MASTL: variants seen among roughly 807,000 people sequenced by gnomAD.
MASTL encodes the protein serine/threonine-protein kinase greatwall.
In MASTL, 54 loss-of-function variants were observed where a neutral mutation model predicts 82.5. The observed-to-expected ratio is 0.65, with a 90% CI of 0.53 to 0.82. The LOEUF (loss-of-function observed/expected upper bound fraction) is 0.82, where lower values mean the gene tolerates loss of function less well. MASTL is among the 40% of genes least tolerant of loss of function. MASTL has a pLI of 0.00. For missense variants in MASTL, 950 were observed against 1,047.8 expected, an observed-to-expected ratio of 0.91 and a Z score of 1.29; for synonymous variants, 323 against 368.9, an observed-to-expected ratio of 0.88 and a Z score of 1.43.
At chr10:27,155,093 G>A (rs1266325202), upstream of MASTL, 2 of 316,752 alleles carry the variant, frequency 6.3e-6, no homozygotes, top group East Asian at 1.5e-4. Flanking sequence ...TGGGAAGCCA[G>A]GAGAAATCTC....
At chr10:27,158,799 C>T (rs1204013740) in intron 2 of MASTL, 113 bp downstream of exon 2, 2 of 1,190,196 alleles carry the variant, frequency 1.7e-6, no homozygotes, top group Non-Finnish European at 2.5e-6. Context: ...TCTGGCTGCA[C>T]TCACTGCCTT....
chr10:27,177,944 G>A (rs58546590), intron 9 of MASTL: 211 of 208,088 alleles, frequency 1.0e-3, no homozygotes, highest in African/African-American at 4.5e-3. Context: ...AAAATGAACC[G>A]TCTTCTGTTT....
intron 9 of MASTL, 62 bp from the exon 10 acceptor site, chr10:27,180,891 T>C: frequency 9.1e-7 from 1 of 1,098,106 alleles, no homozygotes; most frequent in Non-Finnish European, 1.4e-6. Flanking sequence ...AATTAATATT[T>C]CTGTTCATCA....
intron 8 of MASTL, among the ~76,000 whole-genome samples, chr10:27,172,491 CTAAAAATA>C (rs2057979666): frequency 6.6e-6 from 1 of 151,942 alleles, no homozygotes; most frequent in Non-Finnish European, 1.5e-5. Flanking sequence ...CCCGTCTCTA[CTAAAAATA>C]CAAAATTAGC....
In MASTL at chr10:27,187,109, G is replaced by A. The variant is rs1051064697; in HGVS notation, c.*573G>A. On this transcript the variant is annotated 3_prime_UTR_variant, in exon 12 of 12. Transcript: ENST00000375940. Reference sequence around the variant, plus strand: ...GAGGTCAGGAGTTCAAGACCATCCTGGCCAACATAATGAAACCCCATCTCT... The same window carrying A: ...GAGGTCAGGAGTTCAAGACCATCCTAGCCAACATAATGAAACCCCATCTCT... Among the ~76,000 whole-genome samples the A allele has an allele frequency of 1.4e-4, 21 of 152,032 alleles. No homozygotes were observed. The highest frequency in any genetic ancestry group is 2.9e-5 in the Non-Finnish European group (2 of 68,000).
Position 27,187,087 on chromosome 10 carries a change from G to A in MASTL, c.*551G>A, listed in dbSNP as rs2058808735. 6.6e-6 allele frequency among the ~76,000 whole-genome samples: 1 copy of A among 152,006 alleles called. No homozygotes were observed. The highest frequency in any genetic ancestry group is 1.5e-5 in the Non-Finnish European group (1 of 67,992). ...GAGGCCGAGGCAGGCTGATCTTGAG[G>A]TCAGGAGTTCAAGACCATCCTGGCC... is the stretch of plus-strand genomic sequence containing the variant. On this transcript the variant is annotated 3_prime_UTR_variant, in exon 12 of 12. Transcript: ENST00000375940.
chr10:27,160,597 A>G (rs959035758), intron 3 of MASTL, among the ~76,000 whole-genome samples: 1 of 151,892 alleles, frequency 6.6e-6, no homozygotes, highest in African/African-American at 2.4e-5. Context: ...CTAAAAATAC[A>G]AAAATTAGCC....
intron 10 of MASTL, 45 bp from the exon 11 acceptor site, chr10:27,181,435 T>C: frequency 7.4e-7 from 1 of 1,345,382 alleles, no homozygotes; most frequent in South Asian, 1.2e-5. Flanking sequence ...ATACTATTAT[T>C]TTGAGCAGTA....
intron 4 of MASTL, among the ~76,000 whole-genome samples, chr10:27,162,987 G>A (rs769828933): frequency 5.3e-5 from 8 of 151,932 alleles, no homozygotes; most frequent in Non-Finnish European, 1.2e-4. Context: ...CGTGATCTCG[G>A]CTCACTACAA....
At chr10:27,155,640 G>C in intron 1 of MASTL, 28 bp downstream of exon 1, 1 of 1,613,306 alleles carries the variant, frequency 6.2e-7, no homozygotes, top group Non-Finnish European at 8.5e-7. Context: ...AGCAAGGAAG[G>C]GGTTAGGCCC....
Position 27,170,117 on chromosome 10 carries a change from A to G in MASTL, c.1158A>G (p.Val386=). 5 of 1,614,178 alleles carry G rather than the reference A, an allele frequency of 3.1e-6. No homozygotes were observed. The highest frequency in any genetic ancestry group is 4.2e-6 in the Non-Finnish European group (5 of 1,180,018). The part of the protein sequence containing the change: ...SALPTTGRSC[V]NLAKKCFSGE... ...TTCCCACCACTGGACGCTCTTGTGT[A>G]AACCTTGCTAAAAAATGCTTCTCTG... The change falls in exon 8 of 12, where the codon GTA becomes GTG. Residue 386 remains valine (V), a synonymous_variant. Coordinates refer to ENST00000375940, the MANE Select transcript of MASTL (RefSeq NM_001172303.3).
At position 27,163,791 on chromosome 10, in the gene MASTL, C is replaced by T. The variant is rs575156235; in HGVS notation, c.554-1273C>T. 4.6e-5 allele frequency among the ~76,000 whole-genome samples: 7 copies of T among 152,044 alleles called. No individual in the cohort carries two copies. The South Asian group carries it at 1.2e-3, about 27-fold the overall frequency. On this transcript the variant is annotated intron_variant, in intron 4 of 11. Coordinates refer to ENST00000375940, the MANE Select transcript of MASTL (RefSeq NM_001172303.3). ...GACTACAGGCACCCACCACCACGCC[C>T]GGCTAATTTTTTGTATTTTTAGTAG... is the stretch of plus-strand genomic sequence containing the variant.
chr10:27,173,970 C>A (rs954903181), intron 9 of MASTL, among the ~76,000 whole-genome samples: 2 of 152,150 alleles, frequency 1.3e-5, no homozygotes, highest in African/African-American at 4.8e-5. Context: ...CTTCAGAAGC[C>A]TATTCCTGTT....
At chr10:27,158,871 GCA>G (rs1330439955) in intron 2 of MASTL, among the ~76,000 whole-genome samples, 185 bp downstream of exon 2, 1 of 152,198 alleles carries the variant, frequency 6.6e-6, no homozygotes, top group Non-Finnish European at 1.5e-5. Flanking sequence ...TAAGATATAT[GCA>G]TACGGTGCGT....
intron 1 of MASTL, 51 bp from the exon 2 acceptor site, chr10:27,158,496 ACT>A (rs1009415800): frequency 1.4e-6 from 2 of 1,421,658 alleles, no homozygotes; most frequent in African/African-American, 2.8e-5. Context: ...AGAGAATGAG[ACT>A]CTGTCTCAAA....
At position 27,161,106 on chromosome 10, in the gene MASTL, G is replaced by A. The variant is rs56204835; in HGVS notation, c.477G>A (p.Pro159=). ...RHGIIHRDLK[P]DNMLISNEGH... is the part of the protein sequence containing the mutation. ...TTTGTGTGTGCAGGGACTTGAAACCGGACAATATGCTTATTTCTAATGAGG... is the reference window on the plus strand; with the variant it reads ...TTTGTGTGTGCAGGGACTTGAAACCAGACAATATGCTTATTTCTAATGAGG... The change falls in exon 4 of 12, where the codon CCG becomes CCA. Residue 159 remains proline (P), a synonymous_variant. Coordinates refer to ENST00000375940, the MANE Select transcript of MASTL (RefSeq NM_001172303.3). 1,722 of 1,611,822 alleles carry A rather than the reference G, an allele frequency of 1.1e-3. 18 individuals are homozygous for A. In the African/African-American group the frequency reaches 0.019, roughly 18 times the overall value.
chr10:27,186,024 G>A (rs540841820), intron 11 of MASTL, among the ~76,000 whole-genome samples: 7 of 152,324 alleles, frequency 4.6e-5, no homozygotes, highest in South Asian at 2.1e-4. Context: ...GGGAGGCGGC[G>A]GTTGCAGTGA....
rs2058302811 is a variant in MASTL, at chr10:27,181,464, A to G, written c.2381-16A>G. The G allele has an allele frequency of 1.3e-6, 2 of 1,517,172 alleles. No individual in the cohort carries two copies. Among genetic ancestry groups the G allele is most frequent in the South Asian group, 1.1e-5 (1 of 89,026 alleles). 94.0% of individuals were successfully genotyped at this position (1,517,172 alleles called of 1,614,324 possible). A position where few individuals can be genotyped will look rare whatever the true frequency, so the allele number is the denominator to read the frequency against. On this transcript the variant is annotated splice_polypyrimidine_tract_variant and intron_variant, in intron 10 of 11. Coordinates refer to ENST00000375940, the MANE Select transcript of MASTL (RefSeq NM_001172303.3). Reference sequence around the variant, plus strand: ...AGCAGTAATAAACAAGTTTATTTGTATATGTATAATTTTAGATATCCCTTG... The same window carrying G: ...AGCAGTAATAAACAAGTTTATTTGTGTATGTATAATTTTAGATATCCCTTG...
rs1268100380 is a variant in MASTL, at chr10:27,176,432, C to G, written c.2266+3173C>G. ...CCCTTCTCAGAAAACTACAGTGGCT[C>G]CCTCTTAGCTGCTAAGTAAAATCCA... On this transcript the variant is annotated intron_variant, in intron 9 of 11. Coordinates refer to ENST00000375940, the MANE Select transcript of MASTL (RefSeq NM_001172303.3). Among the ~76,000 whole-genome samples, 3 of 152,290 alleles carry G rather than the reference C, an allele frequency of 2.0e-5. No individual in the cohort carries two copies. The East Asian group carries it at 5.8e-4, about 29-fold the overall frequency.
Sources: allele counts gnomAD v4.1 joint callset (sites outside exome capture counted in the v4.1 genomes callset), GRCh38; gene constraint gnomAD v4.1.1; transcripts MANE v1.5; gene names NCBI Gene and HGNC (gene_info 2026-07-23, HGNC 2026-07-21).